SEC61A2: variants seen among roughly 807,000 people sequenced by gnomAD.
The protein encoded by SEC61A2 is protein transport protein Sec61 subunit alpha isoform 2.
Under a neutral mutation model 59.9 loss-of-function variants are expected in SEC61A2, and 28 were observed. The observed-to-expected ratio is 0.47, with a 90% confidence interval of 0.35 to 0.64. The LOEUF (loss-of-function observed/expected upper bound fraction) is 0.64, where lower values mean the gene tolerates loss of function less well. Among genes scored for constraint, SEC61A2 ranks in the 30% least tolerant of loss-of-function variants. The pLI, the probability that SEC61A2 is intolerant of heterozygous loss-of-function variation, is 0.01. For missense variants in SEC61A2, 340 were observed against 585.9 expected, an observed-to-expected ratio of 0.58 and a Z score of 4.33; for synonymous variants, 202 against 214.4, an observed-to-expected ratio of 0.94 and a Z score of 0.50.
chr10:12,150,034 T>C (rs1182789657), intron 6 of SEC61A2, 73 bp downstream of exon 6: 3 of 960,132 alleles, frequency 3.1e-6, no homozygotes, highest in Non-Finnish European at 4.9e-6. Context: ...AACAGTTCTT[T>C]AGGTGATTGG....
At position 12,157,035 on chromosome 10, in the gene SEC61A2, G is replaced by A; in HGVS notation, c.745G>A (p.Val249Ile). 6 of 1,614,118 alleles carry A rather than the reference G, an allele frequency of 3.7e-6. No homozygotes were observed. Among genetic ancestry groups the A allele is most frequent in the Non-Finnish European group, 3.4e-6 (4 of 1,180,006 alleles). The change falls in exon 8 of 12, where the codon GTT (valine) becomes ATT (isoleucine). Residue 249 changes from valine (V) to isoleucine (I), a missense_variant. This residue lies in a region of SEC61A2 where 283 missense variants were observed against 483.2 expected (regional missense o/e 0.59). Transcript: ENST00000298428. ...CAATCTCATGAACCTCATTGCTACA[G>A]TTTTTGTGTTTGCTGTTGTTATATA... ...LPNLMNLIAT[V>I]FVFAVVIYFQ...
At position 12,149,872 on chromosome 10, in the gene SEC61A2, A is replaced by G. The variant is rs762810103; in HGVS notation, c.373A>G (p.Ile125Val). ...ATCAGTGTTTGGTATGATCATTACC[A>G]TTGGGCAAGCCATTGTGTATGTCAT... Reference protein sequence around the residue: ...AQKLFGMIITIGQAIVYVMTG... With the variant: ...AQKLFGMIITVGQAIVYVMTG... The change falls in exon 6 of 12, where the codon ATT (isoleucine) becomes GTT (valine). Residue 125 changes from isoleucine to valine, a missense_variant. Transcript: ENST00000298428. The surrounding 1 kb of genome is among the most constrained non-coding windows in gnomAD (Gnocchi z 5.2). 2 of 1,614,142 alleles carry G rather than the reference A, an allele frequency of 1.2e-6. No individual in the cohort carries two copies. The highest frequency in any genetic ancestry group is 1.7e-6 in the Non-Finnish European group (2 of 1,180,004).
At position 12,153,156 on chromosome 10, in the gene SEC61A2, AGGCGC is replaced by A. The variant is rs1414233931; in HGVS notation, c.463-2621_463-2617del. 3.3e-3 allele frequency among the ~76,000 whole-genome samples: 507 copies of A among 152,232 alleles called. 6 individuals carry two copies. Among genetic ancestry groups the A allele is most frequent in the African/African-American group, 0.012 (486 of 41,560 alleles). ...TACAGCCCTTGGGAATTAGGGAAAG[AGGCGC>A]ATTGGATGGGGAGAGATGATATTCT... On this transcript the variant is annotated intron_variant, in intron 6 of 11. Transcript: ENST00000298428. This position sits in a 1 kb window ranked among gnomAD's most constrained non-coding sequence, Gnocchi z 5.2.
At chr10:12,136,239 G>T (rs1833880470) in intron 3 of SEC61A2, 69 bp downstream of exon 3, 2 of 1,008,518 alleles carry the variant, frequency 2.0e-6, no homozygotes, top group Admixed American at 1.9e-5. Flanking sequence ...TAGAATTTGA[G>T]AATTTTTTTT....
chr10:12,168,512 G>C (rs11257575), downstream of SEC61A2, among the ~76,000 whole-genome samples: 10,451 of 152,186 alleles, frequency 0.069, 812 homozygotes, highest in African/African-American at 0.18. The surrounding 1 kb of genome is among the most constrained non-coding windows in gnomAD (Gnocchi z 4.8). Flanking sequence ...TAAACTGTGT[G>C]CATGTTAGGA....
chr10:12,144,434 G>T (rs758853770), intron 4 of SEC61A2, among the ~76,000 whole-genome samples: 3 of 152,164 alleles, frequency 2.0e-5, no homozygotes, highest in Non-Finnish European at 4.4e-5. Context: ...TAATGGCCAT[G>T]TTATTATTCC....
At position 12,155,726 on chromosome 10, in the gene SEC61A2, C is replaced by A; in HGVS notation, c.463-52C>A. Reference sequence around the variant, plus strand: ...AAATAGCCAATGGTGTTCCTCTCCCCCTTTCTTGAGTTTGTTCTTGCTTCC... The same window carrying A: ...AAATAGCCAATGGTGTTCCTCTCCCACTTTCTTGAGTTTGTTCTTGCTTCC... On this transcript the variant is annotated intron_variant, in intron 6 of 11. Coordinates refer to ENST00000298428, the MANE Select transcript of SEC61A2 (RefSeq NM_018144.4). This position sits in a 1 kb window ranked among gnomAD's most constrained non-coding sequence, Gnocchi z 4.3. 6.2e-7 allele frequency: 1 copy of A among 1,607,010 alleles called. No homozygotes were observed. Among genetic ancestry groups the A allele is most frequent in the East Asian group, 2.2e-5 (1 of 44,820 alleles).
In SEC61A2 at chr10:12,164,763, ACAC is replaced by A; in HGVS notation, c.*310_*312del. On this transcript the variant is annotated 3_prime_UTR_variant, in exon 12 of 12. Coordinates refer to ENST00000298428, the MANE Select transcript of SEC61A2 (RefSeq NM_018144.4). This position sits in a 1 kb window ranked among gnomAD's most constrained non-coding sequence, Gnocchi z 7.3. ...AGACGGTGAGATGGATTCGTTTTGC[ACAC>A]AACATTCAAAACACTTCATATTGCC... 1 of 1,118,628 alleles carries A rather than the reference ACAC, an allele frequency of 8.9e-7. No homozygotes were observed. The highest frequency in any genetic ancestry group is 1.1e-6 in the Non-Finnish European group (1 of 915,098). The allele number at this position is 1,118,628 out of a possible 1,614,324, so 69.3% of individuals were successfully genotyped here.
chr10:12,161,930 A>G lies in SEC61A2; in HGVS notation c.1168-283A>G, dbSNP rs954201768. ...CTAAAAATTGGTTCCCAAAAGGTAA[A>G]AAATTCTTAGATATTACAGTGGTTT... On this transcript the variant is annotated intron_variant, in intron 10 of 11. Coordinates refer to ENST00000298428, the MANE Select transcript of SEC61A2 (RefSeq NM_018144.4). This position sits in a 1 kb window ranked among gnomAD's most constrained non-coding sequence, Gnocchi z 5.4. Among the ~76,000 whole-genome samples, 9 of 152,144 alleles carry G rather than the reference A, an allele frequency of 5.9e-5. No individual in the cohort carries two copies. Among genetic ancestry groups the G allele is most frequent in the Non-Finnish European group, 1.0e-4 (7 of 68,024 alleles).
Position 12,142,260 on chromosome 10 carries a change from T to A in SEC61A2, c.142-857T>A, listed in dbSNP as rs1003910479. Among the ~76,000 whole-genome samples the A allele has an allele frequency of 6.6e-6, 1 of 152,158 alleles. No individual in the cohort carries two copies. The highest frequency in any genetic ancestry group is 2.1e-4 in the South Asian group (1 of 4,824). ...TTGAGCAGAAGTCAACATGGTAGAT[T>A]AGCATCCAAGATGGAGTCACTTTGG... On this transcript the variant is annotated intron_variant, in intron 3 of 11. Coordinates refer to ENST00000298428, the MANE Select transcript of SEC61A2 (RefSeq NM_018144.4). This position sits in a 1 kb window ranked among gnomAD's most constrained non-coding sequence, Gnocchi z 5.4.
At position 12,155,661 on chromosome 10, in the gene SEC61A2, C is replaced by G; in HGVS notation, c.463-117C>G. The G allele has an allele frequency of 8.4e-7, 1 of 1,189,130 alleles. No individual in the cohort carries two copies. 73.7% of individuals were successfully genotyped at this position (1,189,130 alleles called of 1,614,324 possible). A position where few individuals can be genotyped will look rare whatever the true frequency, so the allele number is the denominator to read the frequency against. On this transcript the variant is annotated intron_variant, in intron 6 of 11. Transcript: ENST00000298428. This position sits in a 1 kb window ranked among gnomAD's most constrained non-coding sequence, Gnocchi z 4.3. Reference sequence around the variant, plus strand: ...GCAGTTGGTCATCACAGTGAGATTGCAACGATCAGGCCTTAATATTCAAAA... The same window carrying G: ...GCAGTTGGTCATCACAGTGAGATTGGAACGATCAGGCCTTAATATTCAAAA...
Position 12,164,909 on chromosome 10 carries a change from CT to C in SEC61A2, c.*461del. ...ATATTTTAGATAATTACTTTTTATA[CT>C]TTTTTAACTCATGGTATCCCCACTC... On this transcript the variant is annotated 3_prime_UTR_variant, in exon 12 of 12. Transcript: ENST00000298428. This position sits in a 1 kb window ranked among gnomAD's most constrained non-coding sequence, Gnocchi z 7.3. The C allele has an allele frequency of 2.0e-6, 2 of 977,278 alleles. No individual in the cohort carries two copies. Among genetic ancestry groups the C allele is most frequent in the Non-Finnish European group, 2.4e-6 (2 of 822,526 alleles). The allele number at this position is 977,278 out of a possible 1,614,324, so 60.5% of individuals were successfully genotyped here.
chr10:12,136,343 C>G (rs542243545), intron 3 of SEC61A2, among the ~76,000 whole-genome samples, 173 bp downstream of exon 3: 62 of 152,286 alleles, frequency 4.1e-4, no homozygotes, highest in Admixed American at 1.8e-3. Context: ...GAGTCTCACT[C>G]TGTTGCCCAA....
In SEC61A2 at chr10:12,152,697, A is replaced by G. The variant is rs1337671717; in HGVS notation, c.462+2736A>G. On this transcript the variant is annotated intron_variant, in intron 6 of 11. Transcript: ENST00000298428. The surrounding 1 kb of genome is among the most constrained non-coding windows in gnomAD (Gnocchi z 5.5). The stretch of plus-strand genomic sequence containing the variant: ...ATCACGAGGTCAGGAGATCGAGACC[A>G]TCCTGGCCAACATGGTGAAACGCTG... 1.3e-5 allele frequency among the ~76,000 whole-genome samples: 2 copies of G among 152,036 alleles called. No individual in the cohort carries two copies. The highest frequency in any genetic ancestry group is 1.5e-5 in the Non-Finnish European group (1 of 67,972).
rs754199780 is a variant in SEC61A2 at position 12,133,301 on chromosome 10, A to G, written c.68A>G (p.Glu23Gly). ...CAVLPEIQKP[E>G]RKIQFREKVL... ...GTTCTACCAGAAATTCAGAAACCGG[A>G]AAGGAAAGTAAGTATAATATTTTAG... The change falls in exon 2 of 12, where the codon GAA becomes GGA. Residue 23 changes from glutamate (E) to glycine (G), a missense_variant. Physicochemically the swap from Glu to Gly is moderately conservative, Grantham distance 98. Around this residue, in one of 3 missense-constraint regions of SEC61A2, gnomAD observed 41 missense variants for 47.6 expected, o/e 0.86. Coordinates refer to ENST00000298428, the MANE Select transcript of SEC61A2 (RefSeq NM_018144.4). 6.5e-7 allele frequency: 1 copy of G among 1,537,248 alleles called. No homozygotes were observed. The highest frequency in any genetic ancestry group is 9.0e-7 in the Non-Finnish European group (1 of 1,113,302).
At position 12,142,962 on chromosome 10, in the gene SEC61A2, CT is replaced by C. The variant is rs397814780; in HGVS notation, c.142-144del. On this transcript the variant is annotated intron_variant, in intron 3 of 11. Transcript: ENST00000298428. The surrounding 1 kb of genome is among the most constrained non-coding windows in gnomAD (Gnocchi z 5.4). ...TTGTAAATTAAGTGCACACTTTATA[CT>C]TTTTTTTTTTGAGACAGAGTCTCCT... Among the ~76,000 whole-genome samples the C allele has an allele frequency of 3.7e-3, 548 of 149,038 alleles. 4 individuals carry two copies. Among genetic ancestry groups the C allele is most frequent in the African/African-American group, 0.012 (471 of 40,708 alleles).
chr10:12,168,312 C>A (rs1452790746), downstream of SEC61A2, among the ~76,000 whole-genome samples: 1 of 152,208 alleles, frequency 6.6e-6, no homozygotes, highest in Admixed American at 6.5e-5. The surrounding 1 kb of genome is among the most constrained non-coding windows in gnomAD (Gnocchi z 4.8). Context: ...GCGTGAGCTA[C>A]CGCACCCAGC....
At position 12,160,033 on chromosome 10, in the gene SEC61A2, ATAT is replaced by A. The variant is rs1283496428; in HGVS notation, c.976-893_976-891del. On this transcript the variant is annotated intron_variant, in intron 9 of 11. Coordinates refer to ENST00000298428, the MANE Select transcript of SEC61A2 (RefSeq NM_018144.4). This position sits in a 1 kb window ranked among gnomAD's most constrained non-coding sequence, Gnocchi z 4.1. ...GATGATCTCTGTTGTATTCTGGCTA[ATAT>A]TATATCGAGGACAGGAAAGTCAAGA... Among the ~76,000 whole-genome samples the A allele has an allele frequency of 6.6e-6, 1 of 152,156 alleles. No individual in the cohort carries two copies. The highest frequency in any genetic ancestry group is 1.5e-5 in the Non-Finnish European group (1 of 68,022).
rs769324809 is a variant in SEC61A2 at position 12,129,843 on chromosome 10, C to G, written c.7+49C>G. 2.2e-5 allele frequency: 30 copies of G among 1,335,498 alleles called. No individual in the cohort carries two copies. Among genetic ancestry groups the G allele is most frequent in the Non-Finnish European group, 2.6e-5 (27 of 1,039,652 alleles). 82.7% of individuals were successfully genotyped at this position (1,335,498 alleles called of 1,614,324 possible). On this transcript the variant is annotated intron_variant, in intron 1 of 11. Coordinates refer to ENST00000298428, the MANE Select transcript of SEC61A2 (RefSeq NM_018144.4). The surrounding 1 kb of genome is among the most constrained non-coding windows in gnomAD (Gnocchi z 5.6). The stretch of plus-strand genomic sequence containing the variant: ...GGACTCTGGCTGGGAACGCAGGCCC[C>G]GCCTGGGCTGCGGGCGGTGGGGCTG...
Sources: gnomAD v4.1 joint callset for allele counts (sites outside exome capture counted in the v4.1 genomes callset) on GRCh38, gnomAD v4.1.1 for gene constraint, gnomAD v4.1.1 regional missense constraint, Gnocchi (gnomAD v3.1) non-coding constraint, MANE v1.5 for transcripts, NCBI Gene and HGNC (gene_info 2026-07-23, HGNC 2026-07-21) for gene names.